FAM162A: variants seen among roughly 807,000 people sequenced by gnomAD.
FAM162A encodes the protein protein FAM162A.
A neutral mutation model predicts 21.8 loss-of-function variants in FAM162A; 23 were observed. The ratio of observed to expected loss-of-function variants is 1.05; its 90% CI spans 0.76 to 1.49. The LOEUF is 1.49. Ranked by LOEUF, FAM162A falls within the 40% of genes most tolerant of loss-of-function variation. The probability of loss-of-function intolerance (pLI) is 0.00; values close to 1 mark genes in which losing one functional copy is unlikely to be tolerated. For missense variants in FAM162A, 165 were observed against 186.4 expected, an observed-to-expected ratio of 0.89 and a Z score of 0.67; for synonymous variants, 53 against 61.3, an observed-to-expected ratio of 0.86 and a Z score of 0.64.
intron 3 of FAM162A, among the ~76,000 whole-genome samples, 158 bp from the exon 4 acceptor site, chr3:122,407,123 A>G (rs1576253751): frequency 6.6e-6 from 1 of 152,104 alleles, no homozygotes. Flanking sequence ...CCAAAGTCCT[A>G]TGAGATCTCT....
At chr3:122,407,184 C>CG (rs1560002831) in intron 3 of FAM162A, 97 bp from the exon 4 acceptor site, 1 of 902,376 alleles carries the variant, frequency 1.1e-6, no homozygotes, top group African/African-American at 1.7e-5. Context: ...TTTATAGACA[C>CG]TACTACATTT....
chr3:122,393,318 T>C (rs1304288914), intron 1 of FAM162A, among the ~76,000 whole-genome samples: 1 of 151,610 alleles, frequency 6.6e-6, no homozygotes, highest in East Asian at 1.9e-4. Flanking sequence ...TCTGGAAAAT[T>C]ACCAGGCATT....
At chr3:122,388,973 CG>C (rs948947793) in intron 1 of FAM162A, among the ~76,000 whole-genome samples, 2 of 151,286 alleles carry the variant, frequency 1.3e-5, no homozygotes, top group African/African-American at 4.9e-5. Context: ...GGCGTGAAGC[CG>C]GGAGGCAGAG....
At chr3:122,403,002 C>T (rs1416509398) in intron 2 of FAM162A, 120 bp downstream of exon 2, 5 of 1,146,382 alleles carry the variant, frequency 4.4e-6, no homozygotes, top group Non-Finnish European at 6.0e-6. Flanking sequence ...GTAGAGAGAA[C>T]ACATTGTGTT....
chr3:122,408,757 ACTAG>A (rs1444532101), intron 4 of FAM162A, among the ~76,000 whole-genome samples: 2 of 152,220 alleles, frequency 1.3e-5, no homozygotes, highest in South Asian at 2.1e-4. Flanking sequence ...ACTCGATTGT[ACTAG>A]CTGAGTTTAA....
In FAM162A at chr3:122,395,089, CAG is replaced by C. The variant is rs774666616; in HGVS notation, c.35-7669_35-7668del. ...AACTCCTCTTCATTATAAAAACACT[CAG>C]AAACTATGAATAGAAAGGAACTTCC... On this transcript the variant is annotated intron_variant, in intron 1 of 4. Transcript: ENST00000477892. 1.4e-4 allele frequency among the ~76,000 whole-genome samples: 22 copies of C among 152,288 alleles called. 1 individual carries two copies. The highest frequency in any genetic ancestry group is 3.9e-4 in the East Asian group (2 of 5,190).
chr3:122,406,278 G>A (rs530852673), intron 3 of FAM162A, among the ~76,000 whole-genome samples: 1 of 152,240 alleles, frequency 6.6e-6, no homozygotes, highest in African/African-American at 2.4e-5. Flanking sequence ...TAACAGAATC[G>A]TGACCACCAG....
intron 1 of FAM162A, among the ~76,000 whole-genome samples, chr3:122,402,391 T>G (rs4678191): frequency 0.42 from 63,026 of 151,820 alleles, 13,637 homozygotes; most frequent in East Asian, 0.66. Context: ...GCAACTTGGT[T>G]ACCTAGTTTA....
intron 1 of FAM162A, chr3:122,401,638 TAA>T (rs763301833): frequency 8.5e-4 from 517 of 608,038 alleles, no homozygotes; most frequent in African/African-American, 4.6e-3. Context: ...AGTATATATC[TAA>T]AAAAAAAAAA....
intron 1 of FAM162A, among the ~76,000 whole-genome samples, chr3:122,397,504 C>G (rs1273293989): frequency 6.6e-6 from 1 of 152,140 alleles, no homozygotes; most frequent in Non-Finnish European, 1.5e-5. Context: ...TGGCAAAGCC[C>G]TAGTCAGATT....
rs1326920456 is a variant in FAM162A at position 122,384,227 on chromosome 3, G to C, written c.-39G>C. On this transcript the variant is annotated 5_prime_UTR_variant, in exon 1 of 5. Coordinates refer to ENST00000477892, the MANE Select transcript of FAM162A (RefSeq NM_014367.4). The stretch of plus-strand genomic sequence containing the variant: ...TGAGCTCACCAGCGCCACCGTCCCC[G>C]GCGAAGTTCTGCGCTGGTCGGCGGA... The C allele has an allele frequency of 5.1e-6, 8 of 1,557,848 alleles. No individual in the cohort carries two copies. The highest frequency in any genetic ancestry group is 6.1e-6 in the Non-Finnish European group (7 of 1,151,294).
Position 122,410,983 on chromosome 3 carries a change from G to A in FAM162A, c.*1152G>A, listed in dbSNP as rs2075702185. 1 of 151,962 alleles carries A rather than the reference G, an allele frequency of 6.6e-6. No individual in the cohort carries two copies. Among genetic ancestry groups the A allele is most frequent in the Non-Finnish European group, 1.5e-5 (1 of 68,038 alleles). The allele number at this position is 151,962 out of a possible 1,614,324, so 9.4% of individuals were successfully genotyped here. On this transcript the variant is annotated 3_prime_UTR_variant, in exon 5 of 5. Transcript: ENST00000477892. ...TAATTGCCTCAAAGTGCATTGTGCT[G>A]TGCCTAATTTATAAAATAAACGGTA...
At chr3:122,388,774 G>A (rs1013565198) in intron 1 of FAM162A, among the ~76,000 whole-genome samples, 3 of 152,194 alleles carry the variant, frequency 2.0e-5, no homozygotes, top group African/African-American at 7.2e-5. Context: ...TCATGACCGG[G>A]CACGGTGGCT....
chr3:122,406,103 A>G (rs936291341), intron 3 of FAM162A, among the ~76,000 whole-genome samples: 3 of 152,218 alleles, frequency 2.0e-5, no homozygotes, highest in Non-Finnish European at 4.4e-5. Flanking sequence ...CCCCAATTTT[A>G]AAAGTAATAT....
At chr3:122,406,562 A>AGGT (rs2075677156) in intron 3 of FAM162A, among the ~76,000 whole-genome samples, 1 of 152,238 alleles carries the variant, frequency 6.6e-6, no homozygotes, top group African/African-American at 2.4e-5. Flanking sequence ...TTCAGTAGAT[A>AGGT]GGTTAGAAGA....
intron 1 of FAM162A, among the ~76,000 whole-genome samples, chr3:122,394,539 G>A (rs905999913): frequency 1.3e-5 from 2 of 152,038 alleles, no homozygotes; most frequent in African/African-American, 4.8e-5. Flanking sequence ...ACATAAACCA[G>A]ATGAAATGGA....
At chr3:122,401,712 T>G (rs2075654315) in intron 1 of FAM162A, among the ~76,000 whole-genome samples, 1 of 152,234 alleles carries the variant, frequency 6.6e-6, no homozygotes, top group African/African-American at 2.4e-5. Context: ...ATTTCTCTAG[T>G]GATCAGTGAT....
At chr3:122,401,487 C>A in intron 1 of FAM162A, 1 of 1,250,836 alleles carries the variant, frequency 8.0e-7, no homozygotes, top group Non-Finnish European at 1.0e-6. Context: ...GCTATCTCTT[C>A]GCAAAGATTT....
intron 1 of FAM162A, among the ~76,000 whole-genome samples, chr3:122,399,478 C>T (rs2075643617): frequency 6.6e-6 from 1 of 152,200 alleles, no homozygotes; most frequent in Non-Finnish European, 1.5e-5. Flanking sequence ...CAGGCATGCA[C>T]CACTGGGCCC....
Sources: gnomAD v4.1 joint callset for allele counts (sites outside exome capture counted in the v4.1 genomes callset) on GRCh38, gnomAD v4.1.1 for gene constraint, MANE v1.5 for transcripts, NCBI Gene and HGNC (gene_info 2026-07-23, HGNC 2026-07-21) for gene names.